The following ERG variants were observed in gnomAD, a reference collection of about 807,000 sequenced individuals.
ERG encodes the protein ETS transcription factor ERG.
ERG carries 9 observed loss-of-function variants against 55.3 expected under a neutral mutation model. That is an observed-to-expected ratio of 0.16 (90% confidence interval 0.10 to 0.28). The LOEUF (loss-of-function observed/expected upper bound fraction) is 0.28, where lower values mean the gene tolerates loss of function less well. ERG is among the 10% of genes least tolerant of loss of function. The probability of loss-of-function intolerance (pLI) is 1.00; values close to 1 mark genes in which losing one functional copy is unlikely to be tolerated. For missense variants in ERG, 434 were observed against 631.6 expected (o/e 0.69, Z 3.35); for synonymous variants, 223 against 237.3 (o/e 0.94, Z 0.55).
intron 1 of ERG, among the ~76,000 whole-genome samples, chr21:38,601,699 C>T (rs1175661131): frequency 1.3e-5 from 2 of 152,132 alleles, no homozygotes; most frequent in African/African-American, 2.4e-5. Context: ...CCAGCATTTC[C>T]AGTCACTATC....
chr21:38,546,194 T>C (rs2059786694), intron 2 of ERG, among the ~76,000 whole-genome samples: 1 of 152,198 alleles, frequency 6.6e-6, no homozygotes. Context: ...TGGATATAAG[T>C]GCAAACTCCC....
rs1020907081 is a variant in ERG at position 38,597,244 on chromosome 21, C to T, written c.-149-12299G>A. Reference sequence around the variant, plus strand: ...ATACATATGTATATACACATATGTACACAGTTATAAATATGGATCAATATA... The same window carrying T: ...ATACATATGTATATACACATATGTATACAGTTATAAATATGGATCAATATA... On this transcript the variant is annotated intron_variant, in intron 1 of 10. Transcript: ENST00000398910. Among the ~76,000 whole-genome samples the T allele has an allele frequency of 2.0e-5, 3 of 152,002 alleles. No homozygotes were observed. The South Asian group carries it at 6.2e-4, about 31-fold the overall frequency.
At chr21:38,530,065 T>A (rs1245078121) in intron 2 of ERG, among the ~76,000 whole-genome samples, 1 of 152,182 alleles carries the variant, frequency 6.6e-6, no homozygotes, top group East Asian at 1.9e-4. Flanking sequence ...TTTTTAGTTT[T>A]GTTTTTGTTT....
intron 1 of ERG, among the ~76,000 whole-genome samples, chr21:38,596,164 T>C (rs2146902894): frequency 6.6e-6 from 1 of 152,222 alleles, no homozygotes; most frequent in African/African-American, 2.4e-5. Context: ...CCTTCTTCTG[T>C]GTCGTGGTAA....
intron 2 of ERG, among the ~76,000 whole-genome samples, chr21:38,562,228 T>C (rs1016583301): frequency 2.6e-5 from 4 of 151,982 alleles, no homozygotes; most frequent in Non-Finnish European, 4.4e-5. Context: ...TACACATGCA[T>C]ACATACACGC....
intron 1 of ERG, among the ~76,000 whole-genome samples, chr21:38,599,048 A>C (rs530000599): frequency 6.6e-6 from 1 of 152,314 alleles, no homozygotes; most frequent in African/African-American, 2.4e-5. Context: ...AAAACCATTT[A>C]GGCTGCCTCC....
chr21:38,484,038 A>T (rs1005939547), intron 1 of ERG, among the ~76,000 whole-genome samples: 9 of 152,218 alleles, frequency 5.9e-5, no homozygotes, highest in African/African-American at 2.2e-4. Context: ...CACCATCAGC[A>T]TGACTGAAAG....
intron 1 of ERG, among the ~76,000 whole-genome samples, chr21:38,642,230 G>C (rs1260743371): frequency 6.6e-6 from 1 of 152,192 alleles, no homozygotes; most frequent in Non-Finnish European, 1.5e-5. Context: ...CCCCTTTGGG[G>C]AAAAACATGT....
chr21:38,580,201 C>T (rs1050916995), intron 1 of ERG, among the ~76,000 whole-genome samples: 7 of 152,224 alleles, frequency 4.6e-5, no homozygotes, highest in African/African-American at 1.2e-4. Context: ...GATCCACCCA[C>T]GTTGGCCTCC....
chr21:38,509,055 C>T (rs2059491331), intron 2 of ERG, among the ~76,000 whole-genome samples: 1 of 152,168 alleles, frequency 6.6e-6, no homozygotes, highest in Non-Finnish European at 1.5e-5. Context: ...CACTCCAGCC[C>T]CAACCGGCAC....
intron 2 of ERG, among the ~76,000 whole-genome samples, chr21:38,551,233 CTCTTTTT>C (rs2059822396): frequency 6.6e-6 from 1 of 151,570 alleles, no homozygotes; most frequent in Admixed American, 6.6e-5. Flanking sequence ...TGGATCTTCT[CTCTTTTT>C]TCTTTATCAG....
At chr21:38,648,253 G>A (rs2060468604) in intron 1 of ERG, among the ~76,000 whole-genome samples, 1 of 151,952 alleles carries the variant, frequency 6.6e-6, no homozygotes, top group African/African-American at 2.4e-5. Context: ...TTTAAATCAG[G>A]GTTGGGCCAG....
chr21:38,382,209 T>G lies in ERG; in HGVS notation c.*1194A>C. 1 of 1,047,294 alleles carries G rather than the reference T, an allele frequency of 9.5e-7. No individual in the cohort carries two copies. The highest frequency in any genetic ancestry group is 1.2e-6 in the Non-Finnish European group (1 of 867,176). 64.9% of individuals were successfully genotyped at this position (1,047,294 alleles called of 1,614,324 possible). On this transcript the variant is annotated 3_prime_UTR_variant, in exon 10 of 10. Transcript: ENST00000288319. The stretch of plus-strand genomic sequence containing the variant: ...GATCAACTCGTAGTGTATAAATGCA[T>G]AAGTTATATAATTATTATATAAAAA...
intron 6 of ERG, among the ~76,000 whole-genome samples, chr21:38,397,942 G>A (rs139033260): frequency 6.6e-6 from 1 of 152,264 alleles, no homozygotes; most frequent in African/African-American, 2.4e-5. Context: ...GCACAATAAC[G>A]CTGACCAGAG....
intron 1 of ERG, among the ~76,000 whole-genome samples, chr21:38,622,257 C>T (rs906377399): frequency 6.6e-6 from 1 of 152,198 alleles, no homozygotes; most frequent in Non-Finnish European, 1.5e-5. Context: ...TGCTGCTTTC[C>T]GGGCCAAGTC....
At chr21:38,609,590 C>T (rs1209345545) in intron 1 of ERG, among the ~76,000 whole-genome samples, 1 of 152,226 alleles carries the variant, frequency 6.6e-6, no homozygotes, top group East Asian at 1.9e-4. Context: ...ATCTCAACAA[C>T]ATAACCTTGA....
At chr21:38,393,220 C>A (rs1413777607) in intron 6 of ERG, among the ~76,000 whole-genome samples, 1 of 152,160 alleles carries the variant, frequency 6.6e-6, no homozygotes, top group African/African-American at 2.4e-5. Flanking sequence ...GTCCTATAAA[C>A]CTTCATTTAC....
At chr21:38,579,188 C>A (rs548045297) in intron 1 of ERG, among the ~76,000 whole-genome samples, 2 of 152,180 alleles carry the variant, frequency 1.3e-5, no homozygotes, top group Admixed American at 1.3e-4. Flanking sequence ...CCTTGGATAT[C>A]CAAGACCGCA....
intron 3 of ERG, among the ~76,000 whole-genome samples, chr21:38,422,407 C>T (rs575341626): frequency 1.1e-4 from 17 of 152,346 alleles, no homozygotes; most frequent in African/African-American, 4.1e-4. Flanking sequence ...CCTAACTTGG[C>T]CTCTTATTAG....
Sources: allele counts gnomAD v4.1 joint callset (sites outside exome capture counted in the v4.1 genomes callset), GRCh38; gene constraint gnomAD v4.1.1; transcripts MANE v1.5; gene names NCBI Gene and HGNC (gene_info 2026-07-23, HGNC 2026-07-21).